The following PALM2AKAP2 variants were observed in gnomAD, a reference collection of about 807,000 sequenced individuals.
PALM2AKAP2 encodes PALM2-AKAP2 fusion protein.
PALM2AKAP2 carries 37 observed loss-of-function variants against 71.5 expected under a neutral mutation model. The ratio of observed to expected loss-of-function variants is 0.52; its 90% CI spans 0.40 to 0.68. The LOEUF (loss-of-function observed/expected upper bound fraction) is 0.68, where lower values mean the gene tolerates loss of function less well. Ranked by LOEUF, PALM2AKAP2 falls within the 30% of genes least tolerant of loss-of-function variation. The probability of loss-of-function intolerance (pLI) is 0.00; values close to 1 mark genes in which losing one functional copy is unlikely to be tolerated. For synonymous variants in PALM2AKAP2, 468 were observed against 478.8 expected (o/e 0.98, Z 0.29); for missense variants, 1,224 against 1,191.8 (o/e 1.03, Z -0.40).
chr9:109,743,524 A>T (rs941771360), intron 1 of PALM2AKAP2, among the ~76,000 whole-genome samples: 5 of 152,316 alleles, frequency 3.3e-5, no homozygotes, highest in Admixed American at 3.3e-4. Flanking sequence ...GCTGCCTCAA[A>T]GTCTCAAGAA....
chr9:109,674,589 T>G lies in PALM2AKAP2; in HGVS notation c.5+33723T>G, dbSNP rs541993115. Among the ~76,000 whole-genome samples, 24 of 152,162 alleles carry G rather than the reference T, an allele frequency of 1.6e-4. No homozygotes were observed. The South Asian group carries it at 4.8e-3, about 30-fold the overall frequency. Reference sequence around the variant, plus strand: ...GCTTAGGGTATACTTTCTTCTAATGTGTGGACCTTTTGGGGGTTTAATGGG... The same window carrying G: ...GCTTAGGGTATACTTTCTTCTAATGGGTGGACCTTTTGGGGGTTTAATGGG... On this transcript the variant is annotated intron_variant, in intron 1 of 6. Coordinates refer to the PALM2AKAP2 transcript ENST00000374531.
intron 1 of PALM2AKAP2, among the ~76,000 whole-genome samples, chr9:109,757,835 T>C (rs1208100464): frequency 6.6e-6 from 1 of 152,138 alleles, no homozygotes; most frequent in Admixed American, 6.6e-5. Flanking sequence ...TTCTCTTTTT[T>C]TCATTGATTT....
At chr9:110,050,909 T>C (rs1270781897) in intron 1 of PALM2AKAP2, among the ~76,000 whole-genome samples, 1 of 152,084 alleles carries the variant, frequency 6.6e-6, no homozygotes, top group East Asian at 1.9e-4. Context: ...ATTACAGGCA[T>C]GAGCCACCAC....
At chr9:109,779,836 G>A (rs543524506), upstream of PALM2AKAP2, among the ~76,000 whole-genome samples, 1 of 152,264 alleles carries the variant, frequency 6.6e-6, no homozygotes, top group Admixed American at 6.5e-5. Context: ...TGAACACTCG[G>A]TGGCCCCAGC....
At chr9:109,908,874 T>C (rs2131883068) in intron 3 of PALM2AKAP2, among the ~76,000 whole-genome samples, 1 of 149,994 alleles carries the variant, frequency 6.7e-6, no homozygotes, top group South Asian at 2.1e-4. Context: ...GCAGGAAAGC[T>C]ATCACAGAGC....
intron 1 of PALM2AKAP2, among the ~76,000 whole-genome samples, chr9:109,642,116 T>C (rs922159476): frequency 6.6e-6 from 1 of 152,136 alleles, no homozygotes; most frequent in African/African-American, 2.4e-5. Context: ...TATCTGTATC[T>C]CTTCCAAAGG....
At chr9:109,899,687 C>T (rs979399972) in intron 3 of PALM2AKAP2, among the ~76,000 whole-genome samples, 2 of 152,138 alleles carry the variant, frequency 1.3e-5, no homozygotes, top group Non-Finnish European at 2.9e-5. Context: ...CATTGCTGAC[C>T]ACTCCAGCAA....
intron 2 of PALM2AKAP2, among the ~76,000 whole-genome samples, chr9:110,147,169 T>C (rs941828660): frequency 6.7e-6 from 1 of 150,354 alleles, no homozygotes; most frequent in Non-Finnish European, 1.5e-5. Context: ...GAGAATCGCC[T>C]GAACCTGGGA....
At chr9:109,948,443 G>T (rs1449492688) in intron 6 of PALM2AKAP2, among the ~76,000 whole-genome samples, 1 of 152,140 alleles carries the variant, frequency 6.6e-6, no homozygotes, top group Non-Finnish European at 1.5e-5. Context: ...ATGTAATTTT[G>T]GGGACTGCAG....
chr9:109,683,324 T>C lies in PALM2AKAP2; in HGVS notation c.5+42458T>C, dbSNP rs568728439. On this transcript the variant is annotated intron_variant, in intron 1 of 6. Transcript: ENST00000374531. ...GATCTTGAGATGAGATCATTCTTGA[T>C]TTAATCCAATGTCAGATATCCTTAT... Among the ~76,000 whole-genome samples, 3 of 152,292 alleles carry C rather than the reference T, an allele frequency of 2.0e-5. No individual in the cohort carries two copies. The East Asian group carries it at 5.8e-4, about 29-fold the overall frequency.
chr9:110,027,525 G>A (rs886117478), intron 7 of PALM2AKAP2, among the ~76,000 whole-genome samples: 9 of 152,208 alleles, frequency 5.9e-5, no homozygotes, highest in Non-Finnish European at 7.3e-5. Flanking sequence ...TTATTTACAT[G>A]TTCAATATTT....
At chr9:109,812,337 G>T (rs1240359909) in intron 1 of PALM2AKAP2, among the ~76,000 whole-genome samples, 1 of 152,098 alleles carries the variant, frequency 6.6e-6, no homozygotes, top group Non-Finnish European at 1.5e-5. Context: ...GGTCAGGGTT[G>T]TTTGTGAGAT....
At chr9:109,960,245 T>C (rs1466822102) in intron 6 of PALM2AKAP2, among the ~76,000 whole-genome samples, 1 of 152,168 alleles carries the variant, frequency 6.6e-6, no homozygotes, top group Non-Finnish European at 1.5e-5. Flanking sequence ...AGTGCTTTCA[T>C]CTCATACTGC....
At chr9:109,849,531 T>G (rs891798146) in intron 1 of PALM2AKAP2, among the ~76,000 whole-genome samples, 16 of 152,248 alleles carry the variant, frequency 1.1e-4, no homozygotes, top group Admixed American at 3.3e-4. Context: ...GTGGATCATC[T>G]GGGGTCAGGG....
chr9:109,783,670 A>G (rs1052805452), intron 1 of PALM2AKAP2, among the ~76,000 whole-genome samples: 2 of 152,128 alleles, frequency 1.3e-5, no homozygotes, highest in Non-Finnish European at 2.9e-5. Context: ...CACTTTCTCT[A>G]ACTGCTTTAG....
At position 109,909,044 on chromosome 9, in the gene PALM2AKAP2, C is replaced by T. The variant is rs147089946; in HGVS notation, c.258-14691C>T. On this transcript the variant is annotated intron_variant, in intron 3 of 9. Transcript: ENST00000302798. Reference sequence around the variant, plus strand: ...AAATGAAGTAAATGCTGAGACTGTCCATCATTCTGGCCCAATTCCTACATA... The same window carrying T: ...AAATGAAGTAAATGCTGAGACTGTCTATCATTCTGGCCCAATTCCTACATA... Among the ~76,000 whole-genome samples the T allele has an allele frequency of 4.1e-3, 617 of 152,262 alleles. 12 individuals are homozygous for T. The highest frequency in any genetic ancestry group is 7.1e-4 in the Non-Finnish European group (48 of 68,030).
chr9:109,875,548 G>A (rs140083673), intron 2 of PALM2AKAP2, among the ~76,000 whole-genome samples: 239 of 152,302 alleles, frequency 1.6e-3, no homozygotes, highest in African/African-American at 5.6e-3. Context: ...TATGGTGTTT[G>A]ACCAGCCATT....
intron 1 of PALM2AKAP2, among the ~76,000 whole-genome samples, chr9:109,815,545 G>T (rs1263667703): frequency 1.3e-5 from 2 of 152,258 alleles, no homozygotes; most frequent in East Asian, 1.9e-4. Context: ...GAAACAGGGG[G>T]GTAGGTGAAG....
chr9:110,040,063 G>C (rs1588072677), intron 7 of PALM2AKAP2, among the ~76,000 whole-genome samples: 1 of 151,978 alleles, frequency 6.6e-6, no homozygotes, highest in African/African-American at 2.4e-5. Context: ...GAGGAGAAGA[G>C]AGGAGAGGGA....
Sources: gnomAD v4.1 joint callset for allele counts (sites outside exome capture counted in the v4.1 genomes callset) on GRCh38, gnomAD v4.1.1 for gene constraint, MANE v1.5 for transcripts, NCBI Gene and HGNC (gene_info 2026-07-23, HGNC 2026-07-21) for gene names.